TRIO: variants seen among roughly 807,000 people sequenced by gnomAD.
TRIO encodes the protein trio Rho guanine nucleotide exchange factor.
Under a neutral mutation model 351.9 loss-of-function variants are expected in TRIO, and 58 were observed. That is an observed-to-expected ratio of 0.16 (90% CI 0.13 to 0.21). The LOEUF (loss-of-function observed/expected upper bound fraction) is 0.21. Among genes scored for constraint, TRIO ranks in the 10% least tolerant of loss-of-function variants. The pLI is 1.00. For synonymous variants in TRIO, 1,758 were observed against 1,595.7 expected (o/e 1.10, Z -2.42); for missense variants, 3,201 against 4,027.8 (o/e 0.79, Z 5.56).
At chr5:14,284,446 T>A (rs1008830227) in intron 3 of TRIO, among the ~76,000 whole-genome samples, 1 of 152,246 alleles carries the variant, frequency 6.6e-6, no homozygotes, top group Non-Finnish European at 1.5e-5. Context: ...ATTGAAATGC[T>A]GTGCACTCCC....
At chr5:14,447,052 G>A (rs1021105928) in intron 34 of TRIO, among the ~76,000 whole-genome samples, 1 of 152,184 alleles carries the variant, frequency 6.6e-6, no homozygotes, top group East Asian at 1.9e-4. Context: ...CCAACATGGT[G>A]AAAACCTGTC....
intron 1 of TRIO, among the ~76,000 whole-genome samples, chr5:14,229,241 G>A (rs1402317998): frequency 6.6e-6 from 1 of 152,192 alleles, no homozygotes; most frequent in Non-Finnish European, 1.5e-5. Flanking sequence ...TCTGTAAATA[G>A]CCGGATAAAT....
intron 1 of TRIO, among the ~76,000 whole-genome samples, chr5:14,264,160 A>AAT (rs936526581): frequency 2.2e-4 from 34 of 152,266 alleles, no homozygotes; most frequent in African/African-American, 7.2e-4. Context: ...TTACATTAAA[A>AAT]ATATATATAT....
intron 1 of TRIO, among the ~76,000 whole-genome samples, chr5:14,159,563 A>G (rs559721041): frequency 1.3e-5 from 2 of 150,422 alleles, no homozygotes; most frequent in East Asian, 3.9e-4. Flanking sequence ...TGTGAGCTTT[A>G]TATTTTTTTT....
At chr5:14,186,416 G>A (rs887546965) in intron 1 of TRIO, among the ~76,000 whole-genome samples, 1 of 152,178 alleles carries the variant, frequency 6.6e-6, no homozygotes, top group Admixed American at 6.5e-5. Flanking sequence ...CATTGGAAAT[G>A]GAAGTGAAAG....
chr5:14,293,962 A>G (rs972247035), intron 6 of TRIO, among the ~76,000 whole-genome samples: 2 of 152,048 alleles, frequency 1.3e-5, no homozygotes, highest in African/African-American at 4.8e-5. Flanking sequence ...GTTGTAGAGC[A>G]TTAAAGCAAT....
At position 14,254,198 on chromosome 5, in the gene TRIO, G is replaced by A. The variant is rs576613630; in HGVS notation, c.158-16627G>A. Among the ~76,000 whole-genome samples, 78 of 71,356 alleles carry A rather than the reference G, an allele frequency of 1.1e-3. 1 individual carries two copies. In the South Asian group the frequency reaches 0.042, roughly 39 times the overall value. The allele number at this position is 71,356 out of a possible 152,430, so 46.8% of individuals were successfully genotyped here. On this transcript the variant is annotated intron_variant, in intron 1 of 56. Coordinates refer to ENST00000344204, the MANE Select transcript of TRIO (RefSeq NM_007118.4). ...TCAATAGTTCTCCCCCCCTCCCCCC[G>A]CCTGAGACGGAGTCTTGCTTTGTCA...
intron 1 of TRIO, among the ~76,000 whole-genome samples, chr5:14,211,492 CAAT>C (rs541456811): frequency 4.0e-4 from 60 of 149,692 alleles, no homozygotes; most frequent in East Asian, 1.4e-3. Flanking sequence ...AAATATGAAA[CAAT>C]AAAATATTTT....
Position 14,399,060 on chromosome 5 carries a change from G to C in TRIO, c.4604G>C (p.Ser1535Thr), listed in dbSNP as rs1447265432. The C allele has an allele frequency of 1.2e-6, 2 of 1,613,994 alleles. No homozygotes were observed. Among genetic ancestry groups the C allele is most frequent in the South Asian group, 2.2e-5 (2 of 91,082 alleles). Residue 1535 changes from serine to threonine, a missense_variant, in exon 30 of 57, where the codon AGC (serine) becomes ACC (threonine). By Grantham distance (58) the Ser-to-Thr change is moderately conservative (BLOSUM62 1). Transcript: ENST00000344204. The part of the protein sequence containing the change: ...SSGRSKYLYK[S>T]KLFTSELGVT... ...GGGAGAAGCAAGTACCTTTATAAAA[G>C]CAAATTGTTTGTAAGTATAGGCGTT... is the stretch of plus-strand genomic sequence containing the variant.
intron 15 of TRIO, among the ~76,000 whole-genome samples, chr5:14,366,361 T>C (rs1462518219): frequency 6.6e-6 from 1 of 152,174 alleles, no homozygotes; most frequent in African/African-American, 2.4e-5. Context: ...AACCTGATCA[T>C]TGTAGCACAA....
At chr5:14,435,691 G>A (rs1221892498) in intron 34 of TRIO, among the ~76,000 whole-genome samples, 13 of 152,120 alleles carry the variant, frequency 8.5e-5, no homozygotes, top group Non-Finnish European at 1.8e-4. Flanking sequence ...AGTTGGAGTC[G>A]TGGATACTTA....
chr5:14,441,001 AGCGCGCGC>A (rs57523224), intron 34 of TRIO: 2 of 151,160 alleles, frequency 1.3e-5, no homozygotes, highest in African/African-American at 4.9e-5. Context: ...ACCCAACTGC[AGCGCGCGC>A]GCGCGCGCTC....
At chr5:14,421,830 G>A (rs1750188065) in intron 34 of TRIO, among the ~76,000 whole-genome samples, 1 of 152,044 alleles carries the variant, frequency 6.6e-6, no homozygotes, top group African/African-American at 2.4e-5. Flanking sequence ...CAAAAAGTCG[G>A]GCAACAAGGG....
At chr5:14,226,244 T>A (rs1014836989) in intron 1 of TRIO, among the ~76,000 whole-genome samples, 6 of 152,194 alleles carry the variant, frequency 3.9e-5, no homozygotes, top group Non-Finnish European at 5.9e-5. Flanking sequence ...GATGATGATG[T>A]TGATGTTCCC....
intron 48 of TRIO, chr5:14,488,645 T>A: frequency 1.9e-6 from 1 of 524,628 alleles, no homozygotes; most frequent in Non-Finnish European, 3.4e-6. Context: ...CTGTACACTT[T>A]AAGCTTTTTG....
chr5:14,143,532 G>A lies in TRIO; in HGVS notation c.-194G>A, dbSNP rs1179601847. ...GGCCAGCTCGCGGCTACCGGGCGGA[G>A]TCCTCGTCTATGTGGGCGCGCTCCT... On this transcript the variant is annotated 5_prime_UTR_variant, in exon 1 of 57. Coordinates refer to ENST00000344204, the MANE Select transcript of TRIO (RefSeq NM_007118.4). Among the ~76,000 whole-genome samples, 1 of 147,386 alleles carries A rather than the reference G, an allele frequency of 6.8e-6. No individual in the cohort carries two copies. Among genetic ancestry groups the A allele is most frequent in the Non-Finnish European group, 1.5e-5 (1 of 66,248 alleles).
At chr5:14,486,846 G>A (rs1322359017) in intron 47 of TRIO, among the ~76,000 whole-genome samples, 1 of 152,116 alleles carries the variant, frequency 6.6e-6, no homozygotes, top group African/African-American at 2.4e-5. Flanking sequence ...ACACATGCCT[G>A]GGGCTGGGGC....
intron 13 of TRIO, among the ~76,000 whole-genome samples, chr5:14,360,319 T>TA (rs1187099321): frequency 6.6e-6 from 1 of 152,164 alleles, no homozygotes; most frequent in African/African-American, 2.4e-5. Context: ...TCTTTTTTGA[T>TA]ACCATGCGAG....
At chr5:14,287,122 A>T in intron 4 of TRIO, 59 bp downstream of exon 4, 4 of 1,536,920 alleles carry the variant, frequency 2.6e-6, no homozygotes, top group Admixed American at 1.9e-5. Flanking sequence ...ACTAAAAGCT[A>T]TTGAGGCTAA....
Sources: allele counts gnomAD v4.1 joint callset (sites outside exome capture counted in the v4.1 genomes callset), GRCh38; gene constraint gnomAD v4.1.1; transcripts MANE v1.5; gene names NCBI Gene and HGNC (gene_info 2026-07-23, HGNC 2026-07-21).